The following KDM4C variants were observed in gnomAD, a reference collection of about 807,000 sequenced individuals.
KDM4C encodes lysine-specific demethylase 4C.
A neutral mutation model predicts 129.3 loss-of-function variants in KDM4C; 81 were observed. The ratio of observed to expected loss-of-function variants is 0.63; its 90% CI spans 0.52 to 0.75. The LOEUF (loss-of-function observed/expected upper bound fraction) is 0.75, where lower values mean the gene tolerates loss of function less well. KDM4C is among the 30% of genes least tolerant of loss of function. KDM4C has a pLI of 0.00. For missense variants in KDM4C, 1,457 were observed against 1,304.0 expected (o/e 1.12, Z -1.81); for synonymous variants, 573 against 456.1 (o/e 1.26, Z -3.26).
intron 12 of KDM4C, among the ~76,000 whole-genome samples, chr9:7,001,241 G>C (rs562363627): frequency 6.6e-6 from 1 of 152,106 alleles, no homozygotes; most frequent in Non-Finnish European, 1.5e-5. Flanking sequence ...TATGTTCTTT[G>C]TTTTGTTTTA....
intron 12 of KDM4C, among the ~76,000 whole-genome samples, chr9:6,992,862 A>T (rs972943560): frequency 6.6e-6 from 1 of 152,188 alleles, no homozygotes; most frequent in African/African-American, 2.4e-5. Flanking sequence ...CTGTTGGTGA[A>T]CGAGCATTTC....
intron 3 of KDM4C, among the ~76,000 whole-genome samples, chr9:6,809,016 A>G (rs1830663789): frequency 6.6e-6 from 1 of 151,808 alleles, no homozygotes; most frequent in Non-Finnish European, 1.5e-5. Flanking sequence ...AATGAGATTA[A>G]GACTTTGAAT....
intron 8 of KDM4C, among the ~76,000 whole-genome samples, chr9:6,950,664 C>T (rs1827974116): frequency 6.6e-6 from 1 of 152,172 alleles, no homozygotes; most frequent in Non-Finnish European, 1.5e-5. Context: ...TTCTAGCTAG[C>T]CAATGTTCCC....
At chr9:7,074,484 T>A (rs1833641112) in intron 17 of KDM4C, among the ~76,000 whole-genome samples, 1 of 152,174 alleles carries the variant, frequency 6.6e-6, no homozygotes, top group Non-Finnish European at 1.5e-5. Context: ...GCAATTTTTA[T>A]ATAATCTATT....
chr9:7,102,460 A>T (rs553787899), intron 17 of KDM4C, among the ~76,000 whole-genome samples: 1 of 152,064 alleles, frequency 6.6e-6, no homozygotes, highest in East Asian at 1.9e-4. Flanking sequence ...TGGAGATAGA[A>T]TGAAATAAAG....
intron 17 of KDM4C, among the ~76,000 whole-genome samples, chr9:7,072,357 A>C (rs1833318273): frequency 6.6e-6 from 1 of 152,216 alleles, no homozygotes; most frequent in South Asian, 2.1e-4. Context: ...AATCACCCAA[A>C]AAATGGAAGC....
intron 15 of KDM4C, among the ~76,000 whole-genome samples, chr9:7,026,192 G>A (rs1825790839): frequency 6.7e-6 from 1 of 150,050 alleles, no homozygotes; most frequent in Admixed American, 6.6e-5. Context: ...GTGACAGAGC[G>A]AGACGCCATC....
intron 15 of KDM4C, among the ~76,000 whole-genome samples, chr9:7,042,739 C>T (rs1395918923): frequency 6.6e-6 from 1 of 151,970 alleles, no homozygotes; most frequent in Non-Finnish European, 1.5e-5. Flanking sequence ...ATACCTTATG[C>T]CTTGCCTTAT....
intron 5 of KDM4C, among the ~76,000 whole-genome samples, chr9:6,874,813 C>T (rs1325371397): frequency 6.6e-6 from 1 of 151,802 alleles, no homozygotes; most frequent in Non-Finnish European, 1.5e-5. Context: ...TGGACTGGCA[C>T]AGTGGCCTGT....
intron 18 of KDM4C, among the ~76,000 whole-genome samples, chr9:7,127,716 C>T (rs914205898): frequency 8.5e-5 from 13 of 152,100 alleles, no homozygotes; most frequent in Non-Finnish European, 1.5e-4. Context: ...TTAAAGTATC[C>T]TATCAGTGTT....
At chr9:6,968,696 A>G (rs990870099) in intron 8 of KDM4C, among the ~76,000 whole-genome samples, 2 of 152,196 alleles carry the variant, frequency 1.3e-5, no homozygotes, top group Non-Finnish European at 2.9e-5. Context: ...GTTCAATGCC[A>G]GTTACTTAAC....
At position 7,174,901 on chromosome 9, in the gene KDM4C, A is replaced by ATGG; in HGVS notation, c.*174_*175insGTG. 1 of 541,782 alleles carries ATGG rather than the reference A, an allele frequency of 1.8e-6. No individual in the cohort carries two copies. Among genetic ancestry groups the ATGG allele is most frequent in the Non-Finnish European group, 3.3e-6 (1 of 301,808 alleles). 33.6% of individuals were successfully genotyped at this position (541,782 alleles called of 1,614,324 possible). On this transcript the variant is annotated 3_prime_UTR_variant, in exon 22 of 22. Coordinates refer to ENST00000381309, the MANE Select transcript of KDM4C (RefSeq NM_015061.6). ...TCACCAAAAATACAAAATACACCCA[A>ATGG]TGAATTGGACGCAGCAATCTGAAAT...
At chr9:6,783,210 G>A (rs774168335) in intron 1 of KDM4C, among the ~76,000 whole-genome samples, 3 of 152,076 alleles carry the variant, frequency 2.0e-5, no homozygotes, top group Admixed American at 6.6e-5. Flanking sequence ...TATAATAACC[G>A]CCTGTGTACT....
At chr9:6,812,248 A>C (rs868403963) in intron 3 of KDM4C, among the ~76,000 whole-genome samples, 1 of 151,750 alleles carries the variant, frequency 6.6e-6, no homozygotes, top group Non-Finnish European at 1.5e-5. Context: ...AAAAAAAAAA[A>C]GTTGTTACTG....
rs139065918 is a variant in KDM4C, at chr9:7,043,329, A to G, written c.2260-3533A>G. Among the ~76,000 whole-genome samples the G allele has an allele frequency of 7.3e-3, 1,111 of 152,130 alleles. 20 individuals are homozygous for G. Among genetic ancestry groups the G allele is most frequent in the African/African-American group, 0.024 (1,016 of 41,522 alleles). On this transcript the variant is annotated intron_variant, in intron 15 of 21. Coordinates refer to ENST00000381309, the MANE Select transcript of KDM4C (RefSeq NM_015061.6). ...TTCTTTCATTGAAAGATTTGGAGGA[A>G]AATGATACAGGTACAATTACTGTTT...
chr9:7,064,884 T>A lies in KDM4C; in HGVS notation c.2424+15684T>A, dbSNP rs557639289. ...CCATTTGGCCAGTGATGATAATGTATCTATCACCCCATTCCCCTTTTGAAG... is the reference window on the plus strand; with the variant it reads ...CCATTTGGCCAGTGATGATAATGTAACTATCACCCCATTCCCCTTTTGAAG... On this transcript the variant is annotated intron_variant, in intron 17 of 21. Transcript: ENST00000381309. 3.9e-5 allele frequency among the ~76,000 whole-genome samples: 6 copies of A among 152,336 alleles called. No homozygotes were observed. The South Asian group carries it at 8.3e-4, about 21-fold the overall frequency.
intron 3 of KDM4C, among the ~76,000 whole-genome samples, chr9:6,812,014 A>G (rs895796210): frequency 6.6e-6 from 1 of 152,220 alleles, no homozygotes; most frequent in Non-Finnish European, 1.5e-5. Flanking sequence ...TTTGTTTAAT[A>G]TATTTAAGGA....
intron 18 of KDM4C, among the ~76,000 whole-genome samples, chr9:7,113,822 A>G (rs960368446): frequency 6.6e-6 from 1 of 152,222 alleles, no homozygotes; most frequent in African/African-American, 2.4e-5. Context: ...TTCTGGATTC[A>G]TGAAGGCTCG....
intron 2 of KDM4C, among the ~76,000 whole-genome samples, chr9:6,796,635 G>C (rs1827808202): frequency 6.6e-6 from 1 of 152,176 alleles, no homozygotes; most frequent in African/African-American, 2.4e-5. Flanking sequence ...AAGTTAATGA[G>C]AACTATGATT....
Sources: allele counts gnomAD v4.1 joint callset (sites outside exome capture counted in the v4.1 genomes callset), GRCh38; gene constraint gnomAD v4.1.1; transcripts MANE v1.5; gene names NCBI Gene and HGNC (gene_info 2026-07-23, HGNC 2026-07-21).